Variants in ITGBL1 observed in about 807,000 individuals in gnomAD.
ITGBL1 encodes the protein integrin subunit beta like 1, also known as integrin beta-like protein 1.
A neutral mutation model predicts 68.5 loss-of-function variants in ITGBL1; 51 were observed. The observed-to-expected ratio is 0.74, with a 90% confidence interval of 0.59 to 0.94. The LOEUF (loss-of-function observed/expected upper bound fraction) is 0.94. Ranked by LOEUF, ITGBL1 falls within the 40% of genes least tolerant of loss-of-function variation. The probability of loss-of-function intolerance (pLI) is 0.00; values close to 1 mark genes in which losing one functional copy is unlikely to be tolerated. For synonymous variants in ITGBL1, 209 were observed against 227.3 expected, an observed-to-expected ratio of 0.92 and a Z score of 0.72; for missense variants, 649 against 647.4, an observed-to-expected ratio of 1.00 and a Z score of -0.03.
chr13:101,490,670 T>G (rs1294013330), intron 2 of ITGBL1, among the ~76,000 whole-genome samples: 2 of 152,134 alleles, frequency 1.3e-5, no homozygotes, highest in Non-Finnish European at 2.9e-5. Flanking sequence ...AAATTGGAAA[T>G]GGGCACAGAG....
intron 7 of ITGBL1, among the ~76,000 whole-genome samples, chr13:101,651,239 G>A (rs1431655385): frequency 6.6e-6 from 1 of 152,068 alleles, no homozygotes; most frequent in Admixed American, 6.5e-5. Context: ...TTCCACAATG[G>A]TTGAACTAAT....
At chr13:101,480,512 AAAAG>A (rs1039932479) in intron 2 of ITGBL1, among the ~76,000 whole-genome samples, 2 of 152,074 alleles carry the variant, frequency 1.3e-5, no homozygotes, top group Non-Finnish European at 2.9e-5. Flanking sequence ...AAAAATAACT[AAAAG>A]AATACAATTG....
chr13:101,701,268 C>T (rs773395841), intron 8 of ITGBL1, among the ~76,000 whole-genome samples: 1 of 152,148 alleles, frequency 6.6e-6, no homozygotes, highest in Non-Finnish European at 1.5e-5. Context: ...GGCACAGTGG[C>T]TCACACCTGT....
chr13:101,483,508 C>T (rs1162862625), intron 2 of ITGBL1, among the ~76,000 whole-genome samples: 1 of 152,162 alleles, frequency 6.6e-6, no homozygotes, highest in African/African-American at 2.4e-5. Context: ...AGAAGTCAAT[C>T]ACTTGACTGG....
At chr13:101,515,659 A>G (rs1294231315) in intron 2 of ITGBL1, among the ~76,000 whole-genome samples, 3 of 152,084 alleles carry the variant, frequency 2.0e-5, no homozygotes, top group Non-Finnish European at 2.9e-5. Context: ...GTATGCAGAC[A>G]TATTTCTGCT....
intron 4 of ITGBL1, among the ~76,000 whole-genome samples, chr13:101,576,212 G>A (rs758997469): frequency 6.6e-6 from 1 of 152,100 alleles, no homozygotes; most frequent in Non-Finnish European, 1.5e-5. Context: ...ATTAGGTAAC[G>A]AACCCAGGGT....
chr13:101,690,143 T>C (rs1184459832), intron 7 of ITGBL1, among the ~76,000 whole-genome samples: 1 of 152,238 alleles, frequency 6.6e-6, no homozygotes, highest in Non-Finnish European at 1.5e-5. Context: ...TATTCTCTGA[T>C]ATTTTAAAAA....
intron 7 of ITGBL1, among the ~76,000 whole-genome samples, chr13:101,621,125 G>A (rs923981691): frequency 9.2e-5 from 14 of 152,116 alleles, no homozygotes; most frequent in African/African-American, 3.1e-4. Flanking sequence ...TTGTACCTAC[G>A]CAGCTTTCTG....
intron 2 of ITGBL1, among the ~76,000 whole-genome samples, chr13:101,511,334 ACC>A (rs2049112299): frequency 6.6e-6 from 1 of 152,070 alleles, no homozygotes. Context: ...TGTGGCACAC[ACC>A]CCTAAGGAAC....
At chr13:101,458,273 C>CT (rs1298119362) in intron 2 of ITGBL1, among the ~76,000 whole-genome samples, 1 of 152,200 alleles carries the variant, frequency 6.6e-6, no homozygotes, top group Non-Finnish European at 1.5e-5. Flanking sequence ...GACATAAGCA[C>CT]TTGAGTACTG....
At chr13:101,633,267 G>C (rs1454676131) in intron 7 of ITGBL1, among the ~76,000 whole-genome samples, 1 of 152,114 alleles carries the variant, frequency 6.6e-6, no homozygotes, top group African/African-American at 2.4e-5. Flanking sequence ...CAAATTGACC[G>C]TTTTCCTTTC....
At chr13:101,611,489 G>T (rs1394273226) in intron 7 of ITGBL1, among the ~76,000 whole-genome samples, 1 of 152,178 alleles carries the variant, frequency 6.6e-6, no homozygotes, top group Non-Finnish European at 1.5e-5. Context: ...TCAGCAGTCA[G>T]ATTTGTATTT....
chr13:101,614,291 A>G (rs2031261571), intron 7 of ITGBL1, among the ~76,000 whole-genome samples: 1 of 152,094 alleles, frequency 6.6e-6, no homozygotes, highest in African/African-American at 2.4e-5. Context: ...AATAATATGG[A>G]GGAATGTATT....
At chr13:101,548,176 C>A (rs772468462) in intron 2 of ITGBL1, among the ~76,000 whole-genome samples, 2 of 151,716 alleles carry the variant, frequency 1.3e-5, no homozygotes, top group Non-Finnish European at 3.0e-5. Flanking sequence ...TTCAAGGCTG[C>A]AAAACATTGA....
chr13:101,489,459 TC>T (rs2048745414), intron 2 of ITGBL1, among the ~76,000 whole-genome samples: 2 of 152,184 alleles, frequency 1.3e-5, no homozygotes, highest in South Asian at 4.1e-4. Context: ...ATGGAACCCT[TC>T]CTCGTCTATT....
intron 4 of ITGBL1, among the ~76,000 whole-genome samples, chr13:101,579,031 T>C (rs2050409684): frequency 6.6e-6 from 1 of 152,200 alleles, no homozygotes; most frequent in Non-Finnish European, 1.5e-5. Context: ...TCATGTCATT[T>C]CTTTAAAAAT....
chr13:101,565,520 C>T (rs1377448845), intron 2 of ITGBL1, among the ~76,000 whole-genome samples: 3 of 152,044 alleles, frequency 2.0e-5, no homozygotes, highest in African/African-American at 7.2e-5. Flanking sequence ...TCTTTGCCTC[C>T]AAACAGATGC....
intron 7 of ITGBL1, among the ~76,000 whole-genome samples, chr13:101,611,795 T>C (rs753341024): frequency 1.2e-4 from 19 of 152,098 alleles, no homozygotes; most frequent in Non-Finnish European, 2.5e-4. Flanking sequence ...TTCTGACTCA[T>C]CCGGACCCCT....
At position 101,536,891 on chromosome 13, in the gene ITGBL1, G is replaced by A. The variant is rs889589721; in HGVS notation, c.317-30808G>A. Reference sequence around the variant, plus strand: ...CTGGAGCATATTTAAGAAATGAATGGCATTTAAAGGTTTAATTTAAACTGA... The same window carrying A: ...CTGGAGCATATTTAAGAAATGAATGACATTTAAAGGTTTAATTTAAACTGA... On this transcript the variant is annotated intron_variant, in intron 2 of 10. Coordinates refer to ENST00000376180, the MANE Select transcript of ITGBL1 (RefSeq NM_004791.3). 3.3e-5 allele frequency among the ~76,000 whole-genome samples: 5 copies of A among 151,844 alleles called. 1 individual carries two copies. The highest frequency in any genetic ancestry group is 5.9e-5 in the Non-Finnish European group (4 of 67,880).
Sources: allele counts gnomAD v4.1 joint callset (sites outside exome capture counted in the v4.1 genomes callset), GRCh38; gene constraint gnomAD v4.1.1; transcripts MANE v1.5; gene names NCBI Gene and HGNC (gene_info 2026-07-23, HGNC 2026-07-21).